ZNF879: variants seen among roughly 807,000 people sequenced by gnomAD.
ZNF879 encodes zinc finger protein 879.
A neutral mutation model predicts 44.3 loss-of-function variants in ZNF879; 32 were observed. The observed-to-expected ratio is 0.72, with a 90% CI of 0.54 to 0.97. The LOEUF (loss-of-function observed/expected upper bound fraction) is 0.97. ZNF879 is among the 50% of genes least tolerant of loss of function. The probability of loss-of-function intolerance (pLI) is 0.00; values close to 1 mark genes in which losing one functional copy is unlikely to be tolerated. For missense variants in ZNF879, 621 were observed against 669.7 expected (o/e 0.93, Z 0.80); for synonymous variants, 234 against 233.2 (o/e 1.00, Z -0.03).
At chr5:179,024,898 C>A in intron 1 of ZNF879, 72 bp from the exon 2 acceptor site, 3 of 1,232,378 alleles carry the variant, frequency 2.4e-6, no homozygotes, top group Non-Finnish European at 3.5e-6. Context: ...TGGCTTCTAA[C>A]CTGGTCTGGC....
intron 4 of ZNF879, among the ~76,000 whole-genome samples, chr5:179,028,459 CAT>C (rs1267611330): frequency 1.3e-5 from 2 of 151,942 alleles, no homozygotes; most frequent in Admixed American, 1.3e-4. Flanking sequence ...GTGGCTTGAA[CAT>C]TACATTGTTT....
At chr5:179,032,163 A>C in intron 4 of ZNF879, 42 bp from the exon 5 acceptor site, 1 of 1,388,580 alleles carries the variant, frequency 7.2e-7, no homozygotes. Context: ...ACTTTTTAAA[A>C]TTCTGAGTTC....
Position 179,034,170 on chromosome 5 carries a change from C to G in ZNF879, c.*530C>G, listed in dbSNP as rs931617341. The G allele has an allele frequency of 1.3e-5, 2 of 152,450 alleles. No homozygotes were observed. Among genetic ancestry groups the G allele is most frequent in the African/African-American group, 2.4e-5 (1 of 41,452 alleles). The allele number at this position is 152,450 out of a possible 1,614,324, so 9.4% of individuals were successfully genotyped here. ...TCATGGTAAAGACTTTGAATTGTTT[C>G]TCTGCTTTCTAAGCCATTCACCTGA... On this transcript the variant is annotated 3_prime_UTR_variant, in exon 5 of 5. Coordinates refer to ENST00000444149, the MANE Select transcript of ZNF879 (RefSeq NM_001136116.3).
chr5:179,032,210 G>A lies in ZNF879; in HGVS notation c.262G>A (p.Glu88Lys), dbSNP rs774868271. The A allele has an allele frequency of 2.0e-6, 3 of 1,506,682 alleles. No homozygotes were observed. Among genetic ancestry groups the A allele is most frequent in the South Asian group, 2.6e-5 (2 of 75,644 alleles). 93.3% of individuals were successfully genotyped at this position (1,506,682 alleles called of 1,614,324 possible). A position where few individuals can be genotyped will look rare whatever the true frequency, so the allele number is the denominator to read the frequency against. ...ATATGTTTTGTCTACTTTAGGATGGGAAAGCTTGTTTGGAACCATAGTTTC... is the reference window on the plus strand; with the variant it reads ...ATATGTTTTGTCTACTTTAGGATGGAAAAGCTTGTTTGGAACCATAGTTTC... ...GVPQGAHLGW[E>K]SLFGTIVSKE... The change falls in exon 5 of 5, where the codon GAA (glutamate) becomes AAA (lysine). Residue 88 changes from glutamate (E) to lysine (K), a missense_variant. Glu to Lys is a moderately conservative substitution (Grantham distance 56). Transcript: ENST00000444149.
chr5:179,024,104 G>A (rs1272106279), intron 1 of ZNF879, among the ~76,000 whole-genome samples, 200 bp downstream of exon 1: 1 of 152,188 alleles, frequency 6.6e-6, no homozygotes, highest in Non-Finnish European at 1.5e-5. Flanking sequence ...CTTCGACGCC[G>A]CTGGACTCCT....
At chr5:179,031,848 C>T (rs1224955814) in intron 4 of ZNF879, among the ~76,000 whole-genome samples, 5 of 152,152 alleles carry the variant, frequency 3.3e-5, no homozygotes, top group Admixed American at 6.6e-5. Flanking sequence ...AATTTTAGCC[C>T]CTCTGCAGTT....
In ZNF879 at chr5:179,033,021, G is replaced by C. The variant is rs752155214; in HGVS notation, c.1073G>C (p.Arg358Pro). The part of the protein sequence containing the change: ...QCGKAFTSIS[R>P]LSRHHRIHTG... ...GGGAAAGCCTTCACTTCAATATCGCGGCTAAGTAGGCACCATCGAATTCAT... is the reference window on the plus strand; with the variant it reads ...GGGAAAGCCTTCACTTCAATATCGCCGCTAAGTAGGCACCATCGAATTCAT... The change falls in exon 5 of 5, where the codon CGG (arginine) becomes CCG (proline). Residue 358 changes from arginine (R) to proline (P), a missense_variant. By Grantham distance (103) the Arg-to-Pro change is moderately radical. Coordinates refer to ENST00000444149, the MANE Select transcript of ZNF879 (RefSeq NM_001136116.3). The C allele has an allele frequency of 6.4e-7, 1 of 1,556,598 alleles. No homozygotes were observed. Among genetic ancestry groups the C allele is most frequent in the South Asian group, 1.2e-5 (1 of 84,636 alleles).
chr5:179,027,308 G>A (rs564787528), intron 2 of ZNF879, 165 bp from the exon 3 acceptor site: 17 of 929,354 alleles, frequency 1.8e-5, no homozygotes, highest in Middle Eastern at 2.2e-4. Context: ...CTGAGGGGAC[G>A]GTGTTTCACT....
chr5:179,024,951 GC>G lies in ZNF879; in HGVS notation c.-35-18del. ...GCAGGCTGGATGAAAAGACCTCACA[GC>G]TTTTTTCTCCATTCCAGGTGCCTTC... On this transcript the variant is annotated intron_variant, in intron 1 of 4. Transcript: ENST00000444149. 1 of 1,547,600 alleles carries G rather than the reference GC, an allele frequency of 6.5e-7. No homozygotes were observed. Among genetic ancestry groups the G allele is most frequent in the Admixed American group, 2.0e-5 (1 of 51,000 alleles).
Position 179,027,497 on chromosome 5 carries a change from G to A in ZNF879, c.58G>A (p.Ala20Thr). 1.9e-6 allele frequency: 3 copies of A among 1,614,120 alleles called. No homozygotes were observed. The highest frequency in any genetic ancestry group is 2.2e-5 in the South Asian group (2 of 91,056). Residue 20 changes from alanine to threonine, a missense_variant, in exon 3 of 5, where the codon GCC becomes ACC. Transcript: ENST00000444149. ...GGAGTCCGTGACGTTCAGGGATGTG[G>A]CCGTGTTCTTCAGCCAGGACGAGTG... ...VQESVTFRDV[A>T]VFFSQDEWLH... is the part of the protein sequence containing the mutation.
At position 179,032,200 on chromosome 5, in the gene ZNF879, T is replaced by C; in HGVS notation, c.257-5T>C. 6.7e-7 allele frequency: 1 copy of C among 1,499,428 alleles called. No homozygotes were observed. The highest frequency in any genetic ancestry group is 1.4e-5 in the African/African-American group (1 of 70,546). The allele number at this position is 1,499,428 out of a possible 1,614,324, so 92.9% of individuals were successfully genotyped here. ...AGAGAGACTTATATGTTTTGTCTAC[T>C]TTAGGATGGGAAAGCTTGTTTGGAA... On this transcript the variant is annotated splice_polypyrimidine_tract_variant and splice_region_variant and intron_variant, in intron 4 of 4. Coordinates refer to ENST00000444149, the MANE Select transcript of ZNF879 (RefSeq NM_001136116.3).
intron 2 of ZNF879, among the ~76,000 whole-genome samples, chr5:179,025,698 C>G (rs1465950588): frequency 6.6e-6 from 1 of 152,054 alleles, no homozygotes; most frequent in African/African-American, 2.4e-5. Context: ...GGGCAGATCA[C>G]TTGAGGTCAG....
Position 179,032,484 on chromosome 5 carries a change from G to A in ZNF879, c.536G>A (p.Arg179Lys). 1 of 1,551,718 alleles carries A rather than the reference G, an allele frequency of 6.4e-7. No individual in the cohort carries two copies. Among genetic ancestry groups the A allele is most frequent in the Non-Finnish European group, 8.7e-7 (1 of 1,147,000 alleles). Reference sequence around the variant, plus strand: ...ATTAGAAAACCGAGAATAGTTTCCAGAGGAAGGAGACCCCGTTCACAGCAG... The same window carrying A: ...ATTAGAAAACCGAGAATAGTTTCCAAAGGAAGGAGACCCCGTTCACAGCAG... ...SLIRKPRIVS[R>K]GRRPRSQQYS... Residue 179 changes from arginine to lysine, a missense_variant, in exon 5 of 5, where the codon AGA (arginine) becomes AAA (lysine). Physicochemically the swap from Arg to Lys is conservative, Grantham distance 26 (BLOSUM62 2). Coordinates refer to ENST00000444149, the MANE Select transcript of ZNF879 (RefSeq NM_001136116.3).
chr5:179,030,914 A>C (rs544695620), intron 4 of ZNF879, among the ~76,000 whole-genome samples: 60 of 152,280 alleles, frequency 3.9e-4, no homozygotes, highest in African/African-American at 1.4e-3. Context: ...GTTGGTGTCC[A>C]TTGAGTTGCC....
chr5:179,028,107 T>A lies in ZNF879; in HGVS notation c.236T>A (p.Val79Asp). 1.3e-6 allele frequency: 2 copies of A among 1,550,920 alleles called. No homozygotes were observed. The highest frequency in any genetic ancestry group is 1.7e-6 in the Non-Finnish European group (2 of 1,146,758). Residue 79 changes from valine (V) to aspartate (D), a missense_variant, in exon 4 of 5, where the codon GTT (valine) becomes GAT (aspartate). Physicochemically the swap from Val to Asp is radical, Grantham distance 152. Coordinates refer to ENST00000444149, the MANE Select transcript of ZNF879 (RefSeq NM_001136116.3). ...GACCCCTGGATGGTGGAGAGTGGAG[T>A]TCCCCAAGGCGCACATCTCGGTGAG... ...GEDPWMVESG[V>D]PQGAHLGWES...
intron 4 of ZNF879, among the ~76,000 whole-genome samples, chr5:179,031,984 C>A (rs1009354639): frequency 1.4e-4 from 21 of 152,300 alleles, no homozygotes; most frequent in African/African-American, 5.1e-4. Flanking sequence ...TCGAGCCTGG[C>A]TCTTCCTGTT....
At chr5:179,029,729 G>A (rs1761371852) in intron 4 of ZNF879, among the ~76,000 whole-genome samples, 1 of 152,170 alleles carries the variant, frequency 6.6e-6, no homozygotes, top group African/African-American at 2.4e-5. Context: ...CATTCAAACT[G>A]CATATTTGCT....
At chr5:179,031,163 G>A (rs72816691) in intron 4 of ZNF879, among the ~76,000 whole-genome samples, 315 of 152,296 alleles carry the variant, frequency 2.1e-3, no homozygotes, top group Non-Finnish European at 3.6e-3. Context: ...CCCCATTACA[G>A]TTTGTTTTTC....
chr5:179,025,076 G>C (rs1425114262), intron 2 of ZNF879, 39 bp downstream of exon 2: 2 of 1,550,238 alleles, frequency 1.3e-6, no homozygotes, highest in Admixed American at 3.9e-5. Context: ...TGCCTTCAGG[G>C]TCTAGACGTG....
Sources: gnomAD v4.1 joint callset for allele counts (sites outside exome capture counted in the v4.1 genomes callset) on GRCh38, gnomAD v4.1.1 for gene constraint, MANE v1.5 for transcripts, NCBI Gene and HGNC (gene_info 2026-07-23, HGNC 2026-07-21) for gene names.